The following TTC27 variants were observed in gnomAD, a reference collection of about 807,000 sequenced individuals.
TTC27 encodes the protein tetratricopeptide repeat protein 27.
In TTC27, 79 loss-of-function variants were observed where a neutral mutation model predicts 115.9. The observed-to-expected ratio is 0.68, with a 90% CI of 0.57 to 0.82. TTC27 has a LOEUF of 0.82. TTC27 is among the 40% of genes least tolerant of loss of function. The pLI, the probability that TTC27 is intolerant of heterozygous loss-of-function variation, is 0.00. For synonymous variants in TTC27, 401 were observed against 356.0 expected, an observed-to-expected ratio of 1.13 and a Z score of -1.42; for missense variants, 1,054 against 993.1, an observed-to-expected ratio of 1.06 and a Z score of -0.82.
intron 4 of TTC27, among the ~76,000 whole-genome samples, chr2:32,642,076 C>T (rs1664671725): frequency 2.0e-5 from 3 of 151,882 alleles, no homozygotes; most frequent in Non-Finnish European, 4.4e-5. Context: ...AGGCTGGTCT[C>T]GAACTCCTGA....
At chr2:32,675,519 C>G (rs1381676515) in intron 8 of TTC27, among the ~76,000 whole-genome samples, 5 of 152,050 alleles carry the variant, frequency 3.3e-5, no homozygotes, top group African/African-American at 1.2e-4. Flanking sequence ...ATTTCACCGG[C>G]AGTTTAACTC....
intron 9 of TTC27, among the ~76,000 whole-genome samples, chr2:32,683,091 G>A (rs1184144110): frequency 2.0e-5 from 3 of 151,708 alleles, no homozygotes; most frequent in African/African-American, 4.8e-5. Context: ...TCCTGACCTC[G>A]TGATCTACCT....
At chr2:32,748,482 T>C (rs1250858561) in intron 12 of TTC27, among the ~76,000 whole-genome samples, 2 of 152,198 alleles carry the variant, frequency 1.3e-5, no homozygotes, top group African/African-American at 4.8e-5. Context: ...CTTACATCTT[T>C]TGTGTAGTTA....
chr2:32,818,536 A>C (rs925296554), intron 19 of TTC27, among the ~76,000 whole-genome samples: 1 of 152,192 alleles, frequency 6.6e-6, no homozygotes, highest in Non-Finnish European at 1.5e-5. Flanking sequence ...CTTGGGCTCT[A>C]TCTGTGACCG....
rs747835740 is a variant in TTC27, at chr2:32,782,632, G to T, written c.1786G>T (p.Glu596Ter). Residue 596 changes from glutamate to a stop codon, truncating the protein, a stop_gained, in exon 15 of 20, where the codon GAA becomes TAA. Transcript: ENST00000317907. LOFTEE classifies it high-confidence loss of function. ...RCVTLEPDNAEAWNNLSTSYI... is the reference protein window; with the variant it reads ...RCVTLEPDNA ...GTGTTCTCTATCATTTCAGAATGCT[G>T]AAGCTTGGAACAATTTGTCAACTTC... The T allele has an allele frequency of 1.1e-5, 17 of 1,611,710 alleles. No homozygotes were observed. The African/African-American group carries it at 2.0e-4, about 19-fold the overall frequency.
chr2:32,636,095 G>A (rs1215890772), intron 3 of TTC27, among the ~76,000 whole-genome samples: 1 of 152,136 alleles, frequency 6.6e-6, no homozygotes, highest in Non-Finnish European at 1.5e-5. Context: ...CTCTTATTAT[G>A]TATGAATCAG....
At chr2:32,727,982 C>T (rs1431529332) in intron 10 of TTC27, among the ~76,000 whole-genome samples, 2 of 150,478 alleles carry the variant, frequency 1.3e-5, no homozygotes, top group East Asian at 1.9e-4. Context: ...CAAAGTGTGA[C>T]TGATTAAGGG....
chr2:32,804,365 G>A (rs997815420), intron 16 of TTC27, among the ~76,000 whole-genome samples: 1 of 151,980 alleles, frequency 6.6e-6, no homozygotes, highest in Non-Finnish European at 1.5e-5. Flanking sequence ...CTAAGGAAAG[G>A]TTCAGTAATA....
intron 4 of TTC27, among the ~76,000 whole-genome samples, chr2:32,646,402 C>T (rs1664861305): frequency 6.6e-6 from 1 of 151,854 alleles, no homozygotes; most frequent in South Asian, 2.1e-4. Context: ...CTCGTGGCTT[C>T]AAGTGATCTT....
chr2:32,733,717 G>A (rs966952966), intron 10 of TTC27, 111 bp from the exon 11 acceptor site: 5 of 577,336 alleles, frequency 8.7e-6, no homozygotes, highest in African/African-American at 2.0e-5. Context: ...TTATCAAAAT[G>A]ACTTAAGTTC....
chr2:32,641,373 C>G (rs1664642065), intron 4 of TTC27, among the ~76,000 whole-genome samples: 1 of 152,206 alleles, frequency 6.6e-6, no homozygotes, highest in Non-Finnish European at 1.5e-5. Flanking sequence ...ATGGACATGA[C>G]TGTCTTCCAA....
At chr2:32,676,137 G>A (rs1252839832) in intron 8 of TTC27, among the ~76,000 whole-genome samples, 1 of 151,958 alleles carries the variant, frequency 6.6e-6, no homozygotes, top group African/African-American at 2.4e-5. Flanking sequence ...CAACAGTGGG[G>A]ATAGCTTCAG....
chr2:32,811,266 T>C (rs772852734), intron 17 of TTC27, 45 bp downstream of exon 17: 1 of 1,556,758 alleles, frequency 6.4e-7, no homozygotes, highest in Middle Eastern at 1.8e-4. Context: ...CGTTTGAACA[T>C]GTTGTAGTAG....
intron 5 of TTC27, among the ~76,000 whole-genome samples, chr2:32,661,476 G>A (rs1282264506): frequency 6.6e-6 from 1 of 152,000 alleles, no homozygotes; most frequent in Non-Finnish European, 1.5e-5. Flanking sequence ...CCTTGAAGAG[G>A]TCCTTTACAT....
intron 12 of TTC27, among the ~76,000 whole-genome samples, chr2:32,753,191 C>T (rs1413072837): frequency 6.6e-6 from 1 of 152,038 alleles, no homozygotes; most frequent in Non-Finnish European, 1.5e-5. Context: ...ATGATGACTA[C>T]AGGGAGTAGG....
At chr2:32,740,513 T>G (rs1489636783) in intron 12 of TTC27, among the ~76,000 whole-genome samples, 3 of 152,016 alleles carry the variant, frequency 2.0e-5, no homozygotes, top group African/African-American at 7.2e-5. Context: ...CCAGAAGTTC[T>G]TTCCTCAAAC....
chr2:32,652,317 G>C lies in TTC27; in HGVS notation c.640+2084G>C, dbSNP rs1002613610. On this transcript the variant is annotated intron_variant, in intron 5 of 19. Transcript: ENST00000317907. Reference sequence around the variant, plus strand: ...ACCCAGGAGGCGGAGGTTGCAGTGAGCTGAGATCGCGTCATTGCACTCTGG... The same window carrying C: ...ACCCAGGAGGCGGAGGTTGCAGTGACCTGAGATCGCGTCATTGCACTCTGG... Among the ~76,000 whole-genome samples, 26 of 152,260 alleles carry C rather than the reference G, an allele frequency of 1.7e-4. No homozygotes were observed. In the East Asian group the frequency reaches 5.0e-3, roughly 29 times the overall value.
intron 11 of TTC27, among the ~76,000 whole-genome samples, chr2:32,736,082 G>T (rs557225170): frequency 8.8e-4 from 133 of 151,638 alleles, no homozygotes; most frequent in Admixed American, 2.8e-3. Flanking sequence ...TTTTCCCTTT[G>T]TGCAGGTGTT....
intron 4 of TTC27, among the ~76,000 whole-genome samples, chr2:32,644,800 C>A (rs1361827023): frequency 1.3e-5 from 2 of 149,366 alleles, no homozygotes; most frequent in Non-Finnish European, 3.0e-5. Context: ...CTATATCATT[C>A]TTTTTTCCCT....
Sources: gnomAD v4.1 joint callset for allele counts (sites outside exome capture counted in the v4.1 genomes callset) on GRCh38, gnomAD v4.1.1 for gene constraint, MANE v1.5 for transcripts, NCBI Gene and HGNC (gene_info 2026-07-23, HGNC 2026-07-21) for gene names.